Variants in DTWD2 observed in about 807,000 individuals in gnomAD.
DTWD2 encodes tRNA-uridine aminocarboxypropyltransferase 2.
In DTWD2, 39 loss-of-function variants were observed where a neutral mutation model predicts 31.8. The ratio of observed to expected loss-of-function variants is 1.22; its 90% CI spans 0.95 to 1.60. The LOEUF (loss-of-function observed/expected upper bound fraction) is 1.60, where lower values mean the gene tolerates loss of function less well. Among genes scored for constraint, DTWD2 ranks in the 40% most tolerant of loss-of-function variants. DTWD2 has a pLI of 0.00. For missense variants in DTWD2, 515 were observed against 381.5 expected (o/e 1.35, Z -2.92); for synonymous variants, 180 against 142.8 (o/e 1.26, Z -1.86).
intron 4 of DTWD2, among the ~76,000 whole-genome samples, chr5:118,849,242 A>G (rs2112676920): frequency 6.6e-6 from 1 of 152,368 alleles, no homozygotes; most frequent in Middle Eastern, 3.4e-3. Context: ...TCTCAAAAGT[A>G]TACATTTATG....
intron 4 of DTWD2, among the ~76,000 whole-genome samples, chr5:118,905,850 T>G (rs570522869): frequency 6.6e-6 from 1 of 152,264 alleles, no homozygotes; most frequent in Non-Finnish European, 1.5e-5. Flanking sequence ...ATCATGTATA[T>G]GACTTTTTAA....
At chr5:118,871,930 CT>C (rs1437849184) in intron 4 of DTWD2, among the ~76,000 whole-genome samples, 1 of 152,188 alleles carries the variant, frequency 6.6e-6, no homozygotes, top group Non-Finnish European at 1.5e-5. Context: ...TAAAAACCTA[CT>C]GTTTAGTGTA....
intron 4 of DTWD2, among the ~76,000 whole-genome samples, chr5:118,876,480 C>T (rs79370410): frequency 0.017 from 2,536 of 151,964 alleles, 83 homozygotes; most frequent in African/African-American, 0.058. Flanking sequence ...AAGAATAGAC[C>T]ACTAGCTAGA....
intron 4 of DTWD2, among the ~76,000 whole-genome samples, chr5:118,914,767 T>C (rs73239054): frequency 0.039 from 5,967 of 152,250 alleles, 411 homozygotes; most frequent in African/African-American, 0.14. Context: ...GGGTGGTTTC[T>C]TCCAGGAATG....
chr5:118,923,439 C>T (rs914915273), intron 4 of DTWD2, among the ~76,000 whole-genome samples: 2 of 152,102 alleles, frequency 1.3e-5, no homozygotes, highest in African/African-American at 4.8e-5. Flanking sequence ...GGGTATACAC[C>T]ACCGGAAAAA....
chr5:118,964,843 G>A (rs1754793306), intron 1 of DTWD2, among the ~76,000 whole-genome samples: 1 of 152,358 alleles, frequency 6.6e-6, no homozygotes, highest in Non-Finnish European at 1.5e-5. Flanking sequence ...CGAGATTGCA[G>A]CCTCTGCCCG....
chr5:118,861,075 A>G (rs906036348), intron 4 of DTWD2, among the ~76,000 whole-genome samples: 3 of 152,172 alleles, frequency 2.0e-5, no homozygotes, highest in Non-Finnish European at 4.4e-5. Context: ...AATTTTCTCT[A>G]ATTACTAATT....
chr5:118,863,487 G>A (rs1752313422), intron 4 of DTWD2, among the ~76,000 whole-genome samples: 1 of 152,128 alleles, frequency 6.6e-6, no homozygotes, highest in Admixed American at 6.5e-5. Flanking sequence ...ATTCTTTTGA[G>A]TCAACTGCAT....
At chr5:118,942,653 T>C (rs1457193816) in intron 2 of DTWD2, among the ~76,000 whole-genome samples, 2 of 151,464 alleles carry the variant, frequency 1.3e-5, no homozygotes, top group Non-Finnish European at 2.9e-5. Flanking sequence ...CTACAAAAAA[T>C]AGAAAGAAAA....
At chr5:118,894,143 C>CT (rs1753032746) in intron 4 of DTWD2, among the ~76,000 whole-genome samples, 1 of 151,992 alleles carries the variant, frequency 6.6e-6, no homozygotes, top group Non-Finnish European at 1.5e-5. Flanking sequence ...TCATCTATGA[C>CT]TTAAACTCTG....
intron 1 of DTWD2, among the ~76,000 whole-genome samples, chr5:118,953,300 C>T (rs1035180338): frequency 4.6e-5 from 7 of 152,298 alleles, no homozygotes; most frequent in Admixed American, 2.6e-4. Context: ...TGAATTCATT[C>T]GTATCTACAT....
intron 4 of DTWD2, among the ~76,000 whole-genome samples, chr5:118,876,301 G>C (rs1752620031): frequency 6.6e-6 from 1 of 152,036 alleles, no homozygotes; most frequent in African/African-American, 2.4e-5. Context: ...AAGAACTAGA[G>C]GACCAAGAGC....
At chr5:118,954,280 C>T (rs978430487) in intron 1 of DTWD2, among the ~76,000 whole-genome samples, 6 of 152,032 alleles carry the variant, frequency 3.9e-5, no homozygotes, top group Non-Finnish European at 7.4e-5. Context: ...AGCAATGAAT[C>T]AATCAATCAA....
intron 1 of DTWD2, among the ~76,000 whole-genome samples, chr5:118,960,635 C>A (rs1754684213): frequency 6.6e-6 from 1 of 152,030 alleles, no homozygotes; most frequent in African/African-American, 2.4e-5. Context: ...CATGTATGTT[C>A]AATGCAGCCC....
At chr5:118,934,110 C>T (rs1753983808) in intron 3 of DTWD2, among the ~76,000 whole-genome samples, 1 of 149,656 alleles carries the variant, frequency 6.7e-6, no homozygotes, top group Admixed American at 6.7e-5. Flanking sequence ...ACGTAAAGTA[C>T]CTGTATGTGA....
chr5:118,980,363 C>A (rs151119660), intron 1 of DTWD2, among the ~76,000 whole-genome samples: 1 of 152,294 alleles, frequency 6.6e-6, no homozygotes, highest in African/African-American at 2.4e-5. Context: ...AGAAACAACA[C>A]AAACATGAAG....
chr5:118,867,742 T>G (rs1410608585), intron 4 of DTWD2, among the ~76,000 whole-genome samples: 1 of 152,106 alleles, frequency 6.6e-6, no homozygotes, highest in Non-Finnish European at 1.5e-5. Flanking sequence ...TTAAAAACCA[T>G]AAACCACACT....
intron 4 of DTWD2, among the ~76,000 whole-genome samples, chr5:118,849,403 TG>T (rs1751945541): frequency 6.6e-6 from 1 of 152,132 alleles, no homozygotes; most frequent in Non-Finnish European, 1.5e-5. Context: ...TCTGGAGAAA[TG>T]GGAACACTTT....
chr5:118,907,397 A>C (rs574113797), intron 4 of DTWD2, among the ~76,000 whole-genome samples: 9 of 152,188 alleles, frequency 5.9e-5, no homozygotes, highest in Admixed American at 1.3e-4. Context: ...ATGATTATGG[A>C]GGATGACCAG....
Sources: allele counts gnomAD v4.1 joint callset (sites outside exome capture counted in the v4.1 genomes callset), GRCh38; gene constraint gnomAD v4.1.1; transcripts MANE v1.5; gene names NCBI Gene and HGNC (gene_info 2026-07-23, HGNC 2026-07-21).